The following MYO9B variants were observed in gnomAD, a reference collection of about 807,000 sequenced individuals.
MYO9B encodes unconventional myosin-IXb.
Under a neutral mutation model 229.5 loss-of-function variants are expected in MYO9B, and 71 were observed. That is an observed-to-expected ratio of 0.31 (90% CI 0.26 to 0.38). The LOEUF is 0.38. Among genes scored for constraint, MYO9B ranks in the 10% least tolerant of loss-of-function variants. The probability of loss-of-function intolerance (pLI) is 1.00; values close to 1 mark genes in which losing one functional copy is unlikely to be tolerated. For missense variants in MYO9B, 2,255 were observed against 2,920.5 expected, an observed-to-expected ratio of 0.77 and a Z score of 5.25; for synonymous variants, 1,185 against 1,235.8, an observed-to-expected ratio of 0.96 and a Z score of 0.86.
intron 1 of MYO9B, among the ~76,000 whole-genome samples, chr19:17,087,817 C>G (rs1485084762): frequency 6.6e-6 from 1 of 151,872 alleles, no homozygotes; most frequent in Admixed American, 6.6e-5. Context: ...GTAATCTGAG[C>G]TACTTGGGAG....
chr19:17,209,893 A>G (rs914658438), intron 36 of MYO9B, among the ~76,000 whole-genome samples, 184 bp downstream of exon 36: 6 of 151,704 alleles, frequency 4.0e-5, no homozygotes, highest in Non-Finnish European at 8.8e-5. Context: ...GGTCTCGGGT[A>G]GCAGGGCGGG....
chr19:17,108,780 G>C (rs890596587), intron 2 of MYO9B, among the ~76,000 whole-genome samples: 1 of 151,974 alleles, frequency 6.6e-6, no homozygotes, highest in African/African-American at 2.4e-5. Context: ...GCAGTGGCAC[G>C]ATCTCGGCTC....
chr19:17,077,874 C>T (rs1244166337), intron 1 of MYO9B, among the ~76,000 whole-genome samples: 2 of 152,112 alleles, frequency 1.3e-5, no homozygotes, highest in South Asian at 2.1e-4. Flanking sequence ...TAGAAAATTG[C>T]GGTGTTGAAG....
Position 17,098,946 on chromosome 19 carries a change from AAG to A in MYO9B, c.-58-2712_-58-2711del, listed in dbSNP as rs1491581152. Among the ~76,000 whole-genome samples the A allele has an allele frequency of 5.8e-4, 74 of 128,560 alleles. No individual in the cohort carries two copies. The South Asian group carries it at 9.3e-3, about 16-fold the overall frequency. The allele number at this position is 128,560 out of a possible 152,430, so 84.3% of individuals were successfully genotyped here. ...GCAAGACCCTGACAAAAAAAAAAAA[AAG>A]AAGAAGAAACTGGGCGACCCTCTCT... On this transcript the variant is annotated intron_variant, in intron 1 of 39. Transcript: ENST00000682292.
chr19:17,200,536 C>G (rs1481220002), intron 25 of MYO9B, 103 bp from the exon 26 acceptor site: 2 of 1,509,042 alleles, frequency 1.3e-6, no homozygotes, highest in Non-Finnish European at 1.8e-6. Flanking sequence ...GCCCTAGGCA[C>G]AGAGCCAGGG....
chr19:17,192,216 C>A (rs1046242179), intron 20 of MYO9B, among the ~76,000 whole-genome samples: 3 of 150,646 alleles, frequency 2.0e-5, no homozygotes, highest in Non-Finnish European at 4.4e-5. Context: ...TCGCTTGAAA[C>A]CGGGAGGCGG....
chr19:17,183,164 C>T (rs558580363), intron 15 of MYO9B, among the ~76,000 whole-genome samples: 6 of 152,264 alleles, frequency 3.9e-5, no homozygotes, highest in Admixed American at 6.5e-5. Flanking sequence ...TCAGGTGATC[C>T]GCTCACCTCA....
chr19:17,092,006 A>G (rs987827328), intron 1 of MYO9B, among the ~76,000 whole-genome samples: 1 of 152,194 alleles, frequency 6.6e-6, no homozygotes, highest in African/African-American at 2.4e-5. Flanking sequence ...CTGGTGCTCC[A>G]TCAGCAGTCC....
intron 2 of MYO9B, among the ~76,000 whole-genome samples, chr19:17,117,277 CG>C (rs1474703325): frequency 2.6e-5 from 4 of 152,298 alleles, no homozygotes; most frequent in Non-Finnish European, 5.9e-5. Flanking sequence ...AGGATAGATC[CG>C]ATTTCTGCAG....
chr19:17,168,049 T>C lies in MYO9B; in HGVS notation c.1778T>C (p.Leu593Pro). The part of the protein sequence containing the change: ...SKKPTGLFYL[L>P]DEESNFPHAT... ...AAACCCACGGGCCTCTTCTACCTGCTGGACGAGGAGAGCAAGTGAGTGTCC... is the reference window on the plus strand; with the variant it reads ...AAACCCACGGGCCTCTTCTACCTGCCGGACGAGGAGAGCAAGTGAGTGTCC... The change falls in exon 11 of 40, where the codon CTG (leucine) becomes CCG (proline). Residue 593 changes from leucine to proline, a missense_variant. Leu to Pro is a moderately conservative substitution (Grantham distance 98). This residue lies in a region of MYO9B where 220 missense variants were observed against 404.5 expected (regional missense o/e 0.54). Coordinates refer to ENST00000682292, the MANE Select transcript of MYO9B (RefSeq NM_004145.4). The C allele has an allele frequency of 6.2e-7, 1 of 1,612,814 alleles. No homozygotes were observed. The highest frequency in any genetic ancestry group is 8.5e-7 in the Non-Finnish European group (1 of 1,179,494).
At chr19:17,145,711 T>C (rs1599367800) in intron 3 of MYO9B, among the ~76,000 whole-genome samples, 1 of 152,084 alleles carries the variant, frequency 6.6e-6, no homozygotes, top group African/African-American at 2.4e-5. Flanking sequence ...CTAGAGGTAG[T>C]GGGCTTTACC....
At chr19:17,145,560 T>A (rs1248366295) in intron 3 of MYO9B, 69 bp downstream of exon 3, 1 of 1,296,394 alleles carries the variant, frequency 7.7e-7, no homozygotes, top group Non-Finnish European at 1.1e-6. Context: ...GACACACACA[T>A]GGGAGTGAGA....
chr19:17,094,928 A>C (rs2123496541), intron 1 of MYO9B, among the ~76,000 whole-genome samples: 1 of 151,956 alleles, frequency 6.6e-6, no homozygotes, highest in African/African-American at 2.4e-5. Context: ...GGGCAACAGA[A>C]TGAGATCCAG....
At chr19:17,121,712 GCGGTGGCTCACGCCGA>G (rs1568673318) in intron 2 of MYO9B, among the ~76,000 whole-genome samples, 2 of 152,184 alleles carry the variant, frequency 1.3e-5, no homozygotes, top group Non-Finnish European at 2.9e-5. Flanking sequence ...CTGGAAGGGC[GCGGTGGCTCACGCCGA>G]TAATTCCAGC....
intron 23 of MYO9B, 60 bp from the exon 24 acceptor site, chr19:17,198,124 C>T (rs1295548989): frequency 8.1e-6 from 13 of 1,601,604 alleles, no homozygotes; most frequent in East Asian, 2.2e-5. Context: ...CAGGGGCTTC[C>T]CCATCTAGCA....
At chr19:17,120,380 C>T (rs2057950755) in intron 2 of MYO9B, among the ~76,000 whole-genome samples, 1 of 152,188 alleles carries the variant, frequency 6.6e-6, no homozygotes, top group South Asian at 2.1e-4. Flanking sequence ...TTCAGGCTCA[C>T]ATCTGTAATC....
Position 17,152,624 on chromosome 19 carries a change from T to C in MYO9B, c.936-20T>C. On this transcript the variant is annotated intron_variant, in intron 3 of 39. Transcript: ENST00000682292. Reference sequence around the variant, plus strand: ...CTAAAATGTAATGTTTTATTCTTTCTGTTTTTCTCTTAATGACAGAGCTGT... The same window carrying C: ...CTAAAATGTAATGTTTTATTCTTTCCGTTTTTCTCTTAATGACAGAGCTGT... 6.2e-7 allele frequency: 1 copy of C among 1,600,778 alleles called. No homozygotes were observed. Among genetic ancestry groups the C allele is most frequent in the South Asian group, 1.1e-5 (1 of 89,344 alleles).
Position 17,172,255 on chromosome 19 carries a change from C to A in MYO9B, c.1794-81C>A. On this transcript the variant is annotated intron_variant, in intron 11 of 39. Transcript: ENST00000682292. The surrounding 1 kb of genome is among the most constrained non-coding windows in gnomAD (Gnocchi z 8.2). ...CCCATGCACCCACCCACCTCGTGCA[C>A]CAGGGGTCTGCAAGATAAAATACAC... is the stretch of plus-strand genomic sequence containing the variant. 1 of 1,560,400 alleles carries A rather than the reference C, an allele frequency of 6.4e-7. No homozygotes were observed. The highest frequency in any genetic ancestry group is 8.7e-7 in the Non-Finnish European group (1 of 1,150,400).
chr19:17,182,241 G>A (rs1335143899), intron 15 of MYO9B, among the ~76,000 whole-genome samples: 1 of 151,924 alleles, frequency 6.6e-6, no homozygotes, highest in African/African-American at 2.4e-5. Flanking sequence ...TACCACACCT[G>A]TCTAATTTTA....
Sources: gnomAD v4.1 joint callset for allele counts (sites outside exome capture counted in the v4.1 genomes callset) on GRCh38, gnomAD v4.1.1 for gene constraint, gnomAD v4.1.1 regional missense constraint, Gnocchi (gnomAD v3.1) non-coding constraint, MANE v1.5 for transcripts, NCBI Gene and HGNC (gene_info 2026-07-23, HGNC 2026-07-21) for gene names.